The following FASN variants were observed in gnomAD, a reference collection of about 807,000 sequenced individuals.
The protein encoded by FASN is 3-hydroxyacyl-[acyl-carrier-protein] dehydratase.
FASN carries 50 observed loss-of-function variants against 250.0 expected under a neutral mutation model. The ratio of observed to expected loss-of-function variants is 0.20; its 90% confidence interval spans 0.16 to 0.25. The LOEUF (loss-of-function observed/expected upper bound fraction) is 0.25, where lower values mean the gene tolerates loss of function less well. FASN is among the 10% of genes least tolerant of loss of function. The pLI is 1.00. For synonymous variants in FASN, 1,909 were observed against 1,584.0 expected (o/e 1.21, Z -4.87); for missense variants, 3,031 against 3,498.5 (o/e 0.87, Z 3.37).
Position 82,087,969 on chromosome 17 carries a change from T to A in FASN, c.2851A>T (p.Asn951Tyr). ...SRAFEVSENG[N>Y]LVVSGKVYQW... The stretch of plus-strand genomic sequence containing the variant: ...CCCTGCTTACCACTCACTACCAGGT[T>A]GCCGTTCTCTGACACCTCGAAGGCA... Residue 951 changes from asparagine to tyrosine, a missense_variant, in exon 18 of 43, where the codon AAC becomes TAC. Coordinates refer to ENST00000306749, the MANE Select transcript of FASN (RefSeq NM_004104.5). The A allele has an allele frequency of 6.2e-7, 1 of 1,612,660 alleles. No homozygotes were observed. The highest frequency in any genetic ancestry group is 8.5e-7 in the Non-Finnish European group (1 of 1,179,930).
rs765340045 is a variant in FASN, at chr17:82,093,442, TCAGGTGGGGCTGTGAG to T, written c.455-39_455-24del. The T allele has an allele frequency of 2.3e-5, 37 of 1,592,266 alleles. No homozygotes were observed. The East Asian group carries it at 7.4e-4, about 32-fold the overall frequency. Reference sequence around the variant, plus strand: ...GCCCTGCAAGGAAGGGTGCTGCGGCTCAGGTGGGGCTGTGAGCACACGAGACCCCTGAGCACACCTC... The same window carrying T: ...GCCCTGCAAGGAAGGGTGCTGCGGCTCACACGAGACCCCTGAGCACACCTC... On this transcript the variant is annotated intron_variant, in intron 4 of 42. Transcript: ENST00000306749.
Position 82,083,529 on chromosome 17 carries a change from T to C in FASN, c.5329A>G (p.Asn1777Asp), listed in dbSNP as rs1205056713. The change falls in exon 31 of 43, where the codon AAC (asparagine) becomes GAC (aspartate). Residue 1777 changes from asparagine to aspartate, a missense_variant. Transcript: ENST00000306749. ...LEIGKFDLSQ[N>D]HPLGMAIFLK... is the part of the protein sequence containing the mutation. ...CTGCCGGCCTCACCGAGCGGGTGGT[T>C]CTGAGAAAGGTCGAATTTGCCAATT... is the stretch of plus-strand genomic sequence containing the variant. 1.2e-6 allele frequency: 2 copies of C among 1,612,820 alleles called. No homozygotes were observed. The highest frequency in any genetic ancestry group is 2.2e-5 in the South Asian group (2 of 91,090).
At chr17:82,091,189 A>G in intron 9 of FASN, 33 bp downstream of exon 9, 1 of 1,602,172 alleles carries the variant, frequency 6.2e-7, no homozygotes, top group Non-Finnish European at 8.5e-7. Context: ...TCCCCAGGGA[A>G]GGGACCACCT....
At position 82,080,388 on chromosome 17, in the gene FASN, G is replaced by A. The variant is rs777086227; in HGVS notation, c.7029C>T (p.Tyr2343=). ...CTCTCACCTGGGTGTAGGCCAGTACGTAGGTGGGCGAGCCGTCGAACAGGA... is the reference window on the plus strand; with the variant it reads ...CTCTCACCTGGGTGTAGGCCAGTACATAGGTGGGCGAGCCGTCGAACAGGA... ...SLFLFDGSPT[Y]VLAYTQSYRA... Residue 2343 remains tyrosine (Y), a synonymous_variant, in exon 40 of 43, where the codon TAC becomes TAT. Coordinates refer to ENST00000306749, the MANE Select transcript of FASN (RefSeq NM_004104.5). The A allele has an allele frequency of 9.4e-6, 15 of 1,603,200 alleles. No homozygotes were observed. Among genetic ancestry groups the A allele is most frequent in the Admixed American group, 8.6e-5 (5 of 58,024 alleles).
rs777049350 is a variant in FASN, at chr17:82,084,035, C to T, written c.5038G>A (p.Val1680Met). ...GCGATGGCGATGGCGGCCTGGCCCA[C>T]GCCGCCCGAGCCCGAGTGGATGAGC... ...TLLIHSGSGG[V>M]GQAAIAIALS... The change falls in exon 29 of 43, where the codon GTG (valine) becomes ATG (methionine). Residue 1680 changes from valine (V) to methionine (M), a missense_variant. Physicochemically the swap from Val to Met is conservative, Grantham distance 21 (BLOSUM62 1). Coordinates refer to ENST00000306749, the MANE Select transcript of FASN (RefSeq NM_004104.5). The T allele has an allele frequency of 5.2e-6, 8 of 1,541,144 alleles. No homozygotes were observed. The highest frequency in any genetic ancestry group is 1.2e-5 in the South Asian group (1 of 83,994).
At chr17:82,079,770 C>T (rs781420438) in intron 41 of FASN, 162 bp from the exon 42 acceptor site, 41 of 993,216 alleles carry the variant, frequency 4.1e-5, no homozygotes, top group African/African-American at 8.2e-5. Flanking sequence ...TCCACCTACC[C>T]GGTTCAAGCG....
chr17:82,083,949 G>A lies in FASN; in HGVS notation c.5098+26C>T, dbSNP rs146500895. The A allele has an allele frequency of 5.8e-5, 89 of 1,545,028 alleles. No individual in the cohort carries two copies. In the East Asian group the frequency reaches 7.8e-4, roughly 14 times the overall value. ...AGGGCGGCGGGGCCAGGAGGGCAGC[G>A]GGAGGCACCGGGGGCGGGGCCTTAC... On this transcript the variant is annotated intron_variant, in intron 29 of 42. Transcript: ENST00000306749.
intron 1 of FASN, chr17:82,097,157 G>A: frequency 6.3e-6 from 1 of 157,936 alleles, no homozygotes; most frequent in Non-Finnish European, 1.4e-5. Flanking sequence ...CTCCAGCAGG[G>A]TCCAACCTGG....
In FASN at chr17:82,081,707, G is replaced by C. The variant is rs1293906173; in HGVS notation, c.6300C>G (p.Asn2100Lys). Residue 2100 changes from asparagine (N) to lysine (K), a missense_variant, in exon 37 of 43, where the codon AAC becomes AAG. Transcript: ENST00000306749. ...AGCTGCTCAGGACCATGTGGGGCTG[G>C]TTCAGGAAGAGGTCCAGCACCTCCA... ...SCLEVLDLFL[N>K]QPHMVLSSFV... 7 of 1,612,628 alleles carry C rather than the reference G, an allele frequency of 4.3e-6. No homozygotes were observed. The African/African-American group carries it at 8.0e-5, about 18-fold the overall frequency.
chr17:82,078,980 T>C lies in FASN; in HGVS notation c.*163A>G. ...GGTGCCGTGGGAGGCGGCGGGTGGGTGGGACATGCCTAACACCTACATCTA... is the reference window on the plus strand; with the variant it reads ...GGTGCCGTGGGAGGCGGCGGGTGGGCGGGACATGCCTAACACCTACATCTA... On this transcript the variant is annotated 3_prime_UTR_variant, in exon 43 of 43. Coordinates refer to ENST00000306749, the MANE Select transcript of FASN (RefSeq NM_004104.5). This position sits in a 1 kb window ranked among gnomAD's most constrained non-coding sequence, Gnocchi z 5.4. 1.2e-6 allele frequency: 1 copy of C among 834,022 alleles called. No homozygotes were observed. The highest frequency in any genetic ancestry group is 1.7e-5 in the South Asian group (1 of 59,866). 51.7% of individuals were successfully genotyped at this position (834,022 alleles called of 1,614,324 possible). A position where few individuals can be genotyped will look rare whatever the true frequency, so the allele number is the denominator to read the frequency against.
chr17:82,080,729 C>A lies in FASN; in HGVS notation c.6789G>T (p.Arg2263=), dbSNP rs780613472. 1.2e-6 allele frequency: 2 copies of A among 1,601,644 alleles called. No homozygotes were observed. The highest frequency in any genetic ancestry group is 8.5e-7 in the Non-Finnish European group (1 of 1,175,362). ...GCAGGCCATAGGTGGGGATGCTGAG[C>A]CGGGAGGCCAGGCTGTGGAACACGG... The part of the protein sequence containing the change: ...STTVFHSLAS[R]LSIPTYGLQC... Residue 2263 remains arginine (R), a synonymous_variant, in exon 39 of 43, where the codon CGG becomes CGT. Transcript: ENST00000306749.
At chr17:82,087,571 C>T (rs922306690) in intron 19 of FASN, 67 bp from the exon 20 acceptor site, 20 of 1,602,414 alleles carry the variant, frequency 1.2e-5, no homozygotes, top group Middle Eastern at 1.8e-4. Context: ...CAGAGCCCAC[C>T]GGGCCCCTCT....
intron 10 of FASN, 23 bp downstream of exon 10, chr17:82,090,859 C>CACGCTGGCACA: frequency 2.6e-6 from 4 of 1,563,748 alleles, no homozygotes; most frequent in Non-Finnish European, 3.5e-6. Context: ...GCGTTGCTCA[C>CACGCTGGCACA]ACGCTGGCAG....
intron 4 of FASN, 81 bp downstream of exon 4, chr17:82,093,517 G>A (rs2034250661): frequency 1.9e-6 from 3 of 1,600,852 alleles, no homozygotes; most frequent in Admixed American, 1.7e-5. Flanking sequence ...TGCACGGAGT[G>A]AGCCCACGCC....
chr17:82,081,613 C>T lies in FASN; in HGVS notation c.6394G>A (p.Ala2132Thr). The part of the protein sequence containing the change: ...DSQRDLVEAV[A>T]HILGIRDLAA... ...TGGGAGTGCTCACCCAGGATGTGTG[C>T]CACGGCCTCCACCAGGTCCCGCTGG... is the stretch of plus-strand genomic sequence containing the variant. Residue 2132 changes from alanine to threonine, a missense_variant, in exon 37 of 43, where the codon GCA (alanine) becomes ACA (threonine). Transcript: ENST00000306749. 1 of 1,612,512 alleles carries T rather than the reference C, an allele frequency of 6.2e-7. No individual in the cohort carries two copies. Among genetic ancestry groups the T allele is most frequent in the Non-Finnish European group, 8.5e-7 (1 of 1,179,992 alleles).
intron 10 of FASN, 102 bp from the exon 11 acceptor site, chr17:82,090,666 G>A (rs2034188856): frequency 6.8e-6 from 8 of 1,178,204 alleles, no homozygotes; most frequent in African/African-American, 1.5e-5. Flanking sequence ...GCGCCCCATC[G>A]ACCCTCCCAG....
intron 1 of FASN, chr17:82,097,429 C>G (rs1336551141): frequency 6.6e-6 from 1 of 152,312 alleles, no homozygotes; most frequent in Non-Finnish European, 1.5e-5. Context: ...GATACGCGCG[C>G]CGCCCCTCGG....
At chr17:82,092,675 G>T in intron 7 of FASN, 22 bp downstream of exon 7, 2 of 1,402,790 alleles carry the variant, frequency 1.4e-6, no homozygotes, top group East Asian at 2.6e-5. Flanking sequence ...GTGGTGAGTG[G>T]GGCGGGGGGG....
In FASN at chr17:82,085,051, C is replaced by T. The variant is rs763072807; in HGVS notation, c.4393G>A (p.Gly1465Ser). 4.6e-5 allele frequency: 74 copies of T among 1,611,464 alleles called. No individual in the cohort carries two copies. Among genetic ancestry groups the T allele is most frequent in the Admixed American group, 1.2e-4 (7 of 59,918 alleles). Residue 1465 changes from glycine (G) to serine (S), a missense_variant, in exon 25 of 43, where the codon GGC (glycine) becomes AGC (serine). Transcript: ENST00000306749. The part of the protein sequence containing the change: ...GLVNCLRREP[G>S]GNRLRCVLLS... Reference sequence around the variant, plus strand: ...TGCTCCTACCGGAGGCGGTTCCCGCCGGGCTCTCGGCGGAGACAGTTCACC... The same window carrying T: ...TGCTCCTACCGGAGGCGGTTCCCGCTGGGCTCTCGGCGGAGACAGTTCACC...
Sources: gnomAD v4.1 joint callset for allele counts on GRCh38, gnomAD v4.1.1 for gene constraint, Gnocchi (gnomAD v3.1) non-coding constraint, MANE v1.5 for transcripts, NCBI Gene and HGNC (gene_info 2026-07-23, HGNC 2026-07-21) for gene names.